The following ZNG1E variants were observed in gnomAD, a reference collection of about 807,000 sequenced individuals.
The protein encoded by ZNG1E is zinc-regulated GTPase metalloprotein activator 1E.
At chr9:65,714,262 T>C in the ZNG1E span, among the ~76,000 whole-genome samples, 1,734 of 114,832 alleles carry the variant, frequency 0.015, no homozygotes, top group Admixed American at 0.027. Flanking sequence ...TTCTTCAAAA[T>C]TTTTTCCAAA....
the ZNG1E span, among the ~76,000 whole-genome samples, chr9:65,678,116 A>G: frequency 1.3e-5 from 2 of 150,174 alleles, no homozygotes; most frequent in African/African-American, 4.9e-5. Context: ...TTTTTTCATA[A>G]TATGGTTAAA....
chr9:65,671,707 G>A, the ZNG1E span, among the ~76,000 whole-genome samples: 2 of 151,472 alleles, frequency 1.3e-5, no homozygotes, highest in African/African-American at 2.4e-5. Context: ...TATTATACTG[G>A]AATCTTCTGT....
At chr9:65,699,950 CTT>C in the ZNG1E span, among the ~76,000 whole-genome samples, 1 of 151,276 alleles carries the variant, frequency 6.6e-6, no homozygotes, top group Admixed American at 6.6e-5. Context: ...CTTTTTGAGA[CTT>C]ATCTTTGTAG....
chr9:65,656,663 T>C, the ZNG1E span, among the ~76,000 whole-genome samples: 1 of 152,280 alleles, frequency 6.6e-6, no homozygotes, highest in Admixed American at 6.5e-5. Flanking sequence ...GAAACTTACT[T>C]CCTGGAGAAC....
At chr9:65,709,462 A>G in the ZNG1E span, among the ~76,000 whole-genome samples, 26 of 130,186 alleles carry the variant, frequency 2.0e-4, no homozygotes, top group Non-Finnish European at 3.9e-4. Context: ...CTAACTCGTC[A>G]TCTAGCATTA....
chr9:65,714,131 C>T, the ZNG1E span, among the ~76,000 whole-genome samples: 1 of 149,208 alleles, frequency 6.7e-6, no homozygotes, highest in Non-Finnish European at 1.5e-5. Flanking sequence ...GATACCCTTT[C>T]TTCCAGTTGA....
the ZNG1E span, chr9:65,675,658 C>G: frequency 1.9e-6 from 1 of 524,430 alleles, no homozygotes; most frequent in East Asian, 3.7e-5. Context: ...CTTATTAAGG[C>G]TCTAGGCGCC....
the ZNG1E span, among the ~76,000 whole-genome samples, chr9:65,724,742 A>G: frequency 9.1e-4 from 86 of 94,344 alleles, 3 homozygotes; most frequent in Non-Finnish European, 1.6e-3. Flanking sequence ...ATTAAAATAC[A>G]TTTTAAACAT....
At chr9:65,664,097 C>T in the ZNG1E span, among the ~76,000 whole-genome samples, 1 of 152,122 alleles carries the variant, frequency 6.6e-6, no homozygotes, top group South Asian at 2.1e-4. Context: ...CTTCTTTCAC[C>T]TTATATCACT....
At chr9:65,710,501 G>C in the ZNG1E span, among the ~76,000 whole-genome samples, 5 of 151,844 alleles carry the variant, frequency 3.3e-5, no homozygotes, top group African/African-American at 4.9e-5. Flanking sequence ...AAACGTTTAA[G>C]TCTTTAATCC....
chr9:65,684,002 C>G, the ZNG1E span, among the ~76,000 whole-genome samples: 4 of 152,278 alleles, frequency 2.6e-5, no homozygotes, highest in Non-Finnish European at 5.9e-5. Context: ...AAACTTGACA[C>G]TTTTGAGAGT....
At chr9:65,686,635 A>AAAATAAAT in the ZNG1E span, among the ~76,000 whole-genome samples, 1 of 152,188 alleles carries the variant, frequency 6.6e-6, no homozygotes, top group African/African-American at 2.4e-5. Context: ...ACTCCATCTC[A>AAAATAAAT]AAATAAATAA....
the ZNG1E span, chr9:65,732,812 T>C: frequency 6.9e-7 from 1 of 1,451,780 alleles, no homozygotes; most frequent in Non-Finnish European, 9.0e-7. Flanking sequence ...TTTTGAAAAT[T>C]AAAAACATTA....
the ZNG1E span, among the ~76,000 whole-genome samples, chr9:65,722,497 A>C: frequency 1.3e-5 from 1 of 75,538 alleles, no homozygotes; most frequent in Non-Finnish European, 2.5e-5. Flanking sequence ...GTACAATTCA[A>C]TGTTTGGGTT....
the ZNG1E span, among the ~76,000 whole-genome samples, chr9:65,714,668 TAGGGGGTGCCTCCCAGTTACCTCCC>T: frequency 6.6e-6 from 1 of 152,086 alleles, no homozygotes; most frequent in African/African-American, 2.4e-5. Context: ...CTGCCTCTGC[TAGGGGGTGCCTCCCAGTTACCTCCC>T]AGGGGGTGAC....
the ZNG1E span, among the ~76,000 whole-genome samples, chr9:65,661,709 G>T: frequency 6.6e-6 from 1 of 152,192 alleles, no homozygotes; most frequent in African/African-American, 2.4e-5. Context: ...TCAGTGTATT[G>T]TATAAACAAA....
the ZNG1E span, among the ~76,000 whole-genome samples, chr9:65,658,577 A>T: frequency 6.8e-6 from 1 of 147,310 alleles, no homozygotes; most frequent in African/African-American, 2.6e-5. Flanking sequence ...AGACTACTTG[A>T]GTGAAAAAAA....
chr9:65,708,457 A>G, the ZNG1E span: 1,601 of 237,602 alleles, frequency 6.7e-3, 161 homozygotes, highest in African/African-American at 0.038. Context: ...TATTTTGTAC[A>G]TTGGTTATTT....
the ZNG1E span, chr9:65,719,959 C>T: frequency 1.3e-6 from 2 of 1,558,100 alleles, no homozygotes; most frequent in South Asian, 1.1e-5. Flanking sequence ...TGGAAAGTCA[C>T]TTCATTATCC....
Sources: gnomAD v4.1 joint callset for allele counts (sites outside exome capture counted in the v4.1 genomes callset) on GRCh38, gnomAD v4.1.1 for gene constraint, MANE v1.5 for transcripts, NCBI Gene and HGNC (gene_info 2026-07-23, HGNC 2026-07-21) for gene names.